The following BLOC1S6 variants were observed in gnomAD, a reference collection of about 807,000 sequenced individuals.
The protein encoded by BLOC1S6 is biogenesis of lysosome-related organelles complex 1 subunit 6.
In BLOC1S6, 24 loss-of-function variants were observed where a neutral mutation model predicts 24.7. The ratio of observed to expected loss-of-function variants is 0.97; its 90% confidence interval spans 0.70 to 1.37. BLOC1S6 has a LOEUF of 1.37. Ranked by LOEUF, BLOC1S6 falls within the 40% of genes most tolerant of loss-of-function variation. The pLI, the probability that BLOC1S6 is intolerant of heterozygous loss-of-function variation, is 0.00. For missense variants in BLOC1S6, 175 were observed against 196.2 expected (o/e 0.89, Z 0.64); for synonymous variants, 76 against 72.6 (o/e 1.05, Z -0.23).
intron 2 of BLOC1S6, among the ~76,000 whole-genome samples, chr15:45,594,893 T>C (rs1357861420): frequency 1.3e-5 from 2 of 152,082 alleles, no homozygotes; most frequent in Non-Finnish European, 2.9e-5. Context: ...CCACATTCTC[T>C]GGAACCTTCT....
In BLOC1S6 at chr15:45,592,277, G is replaced by C; in HGVS notation, c.224+1G>C. On this transcript the variant is annotated splice_donor_variant, in intron 2 of 4. Coordinates refer to ENST00000220531, the MANE Select transcript of BLOC1S6 (RefSeq NM_012388.4). LOFTEE classifies it high-confidence loss of function. ...CAAAACAAGCCCTCCAGGAACTCAC[G>C]TAAGCTAATAAAAAACCAGATATAC... 6.2e-7 allele frequency: 1 copy of C among 1,613,646 alleles called. No individual in the cohort carries two copies. Among genetic ancestry groups the C allele is most frequent in the Non-Finnish European group, 8.5e-7 (1 of 1,179,964 alleles).
intron 2 of BLOC1S6, among the ~76,000 whole-genome samples, chr15:45,600,589 A>G (rs1158761353): frequency 6.6e-6 from 1 of 152,132 alleles, no homozygotes; most frequent in Non-Finnish European, 1.5e-5. Context: ...TAGCCTGTTG[A>G]TGTGGTAGAT....
chr15:45,602,415 A>G, intron 2 of BLOC1S6: 1 of 639,312 alleles, frequency 1.6e-6, no homozygotes, highest in South Asian at 1.7e-5. Context: ...CTGTGATCCT[A>G]ACATTGATTG....
chr15:45,603,131 G>T lies in BLOC1S6; in HGVS notation c.256G>T (p.Glu86Ter), dbSNP rs764066020. The T allele has an allele frequency of 6.2e-7, 1 of 1,611,534 alleles. No homozygotes were observed. The highest frequency in any genetic ancestry group is 1.1e-5 in the South Asian group (1 of 90,946). The change falls in exon 3 of 5, where the codon GAA (glutamate) becomes TAA (stop). Residue 86 changes from glutamate (E) to a stop codon, truncating the protein, a stop_gained. Transcript: ENST00000220531. LOFTEE classifies it high-confidence loss of function. ...QNQVVLLDTLEQEISKFKECH... is the reference protein window; with the variant it reads ...QNQVVLLDTL Reference sequence around the variant, plus strand: ...CCAAGTTGTATTGTTAGACACACTGGAACAAGAGATTTCAAAATTTAAAGA... The same window carrying T: ...CCAAGTTGTATTGTTAGACACACTGTAACAAGAGATTTCAAAATTTAAAGA...
At chr15:45,587,791 A>G (rs1203336153) in intron 1 of BLOC1S6, 3 of 701,604 alleles carry the variant, frequency 4.3e-6, no homozygotes, top group Non-Finnish European at 7.8e-6. Flanking sequence ...TTATGTGTTG[A>G]CTCCGGTACG....
intron 3 of BLOC1S6, 115 bp downstream of exon 3, chr15:45,603,302 C>T (rs903877204): frequency 1.5e-5 from 10 of 651,184 alleles, no homozygotes; most frequent in Middle Eastern, 4.1e-4. Context: ...AACAAGAAAC[C>T]TTGATTGAAC....
chr15:45,596,923 C>T (rs1178141988), intron 2 of BLOC1S6, among the ~76,000 whole-genome samples: 1 of 152,080 alleles, frequency 6.6e-6, no homozygotes, highest in East Asian at 1.9e-4. Context: ...TGATCCCCAG[C>T]CTCAGGCTCC....
At position 45,590,157 on chromosome 15, in the gene BLOC1S6, C is replaced by T. The variant is rs942709769; in HGVS notation, c.83-1978C>T. On this transcript the variant is annotated intron_variant, in intron 1 of 4. Transcript: ENST00000220531. ...CCTATACAGTTGGTACATTAATATC[C>T]CTAAGTGCTTCACTTTTCTCTCTCT... Among the ~76,000 whole-genome samples the T allele has an allele frequency of 2.6e-5, 4 of 151,460 alleles. 1 individual carries two copies. In the South Asian group the frequency reaches 8.3e-4, roughly 32 times the overall value.
intron 2 of BLOC1S6, among the ~76,000 whole-genome samples, chr15:45,594,207 G>A (rs1893987218): frequency 6.6e-6 from 1 of 152,068 alleles, no homozygotes; most frequent in South Asian, 2.1e-4. Context: ...GTGGTAGGTA[G>A]GGATTAAGTT....
chr15:45,587,324 C>A, upstream of BLOC1S6: 1 of 1,001,654 alleles, frequency 1.0e-6, no homozygotes, highest in Non-Finnish European at 1.5e-6. Context: ...TTTTTTCGCC[C>A]CCGTCACTTC....
chr15:45,587,658 G>C, intron 1 of BLOC1S6, 133 bp downstream of exon 1: 1 of 926,518 alleles, frequency 1.1e-6, no homozygotes, highest in South Asian at 1.4e-5. Flanking sequence ...CCTGCCCCGA[G>C]TGCAGAAATG....
intron 1 of BLOC1S6, among the ~76,000 whole-genome samples, chr15:45,591,592 C>T (rs953533464): frequency 5.9e-5 from 9 of 152,090 alleles, no homozygotes; most frequent in Non-Finnish European, 1.2e-4. Flanking sequence ...GCCACCGTGC[C>T]CAGCCATTCT....
At chr15:45,601,754 A>G (rs1006730193) in intron 2 of BLOC1S6, among the ~76,000 whole-genome samples, 7 of 151,872 alleles carry the variant, frequency 4.6e-5, no homozygotes, top group Admixed American at 4.6e-4. Flanking sequence ...TTCTAGTTCT[A>G]ACAGCCTATT....
intron 1 of BLOC1S6, 195 bp downstream of exon 1, chr15:45,587,720 G>A (rs1463088946): frequency 1.4e-6 from 1 of 712,166 alleles, no homozygotes; most frequent in Admixed American, 2.0e-5. Context: ...CTGAAGTCCC[G>A]AGGGGAAGCT....
chr15:45,603,074 G>A, intron 2 of BLOC1S6, 26 bp from the exon 3 acceptor site: 2 of 1,492,434 alleles, frequency 1.3e-6, no homozygotes, highest in Non-Finnish European at 1.9e-6. Context: ...TGTAGAGTTT[G>A]TCTTGGCTGT....
intron 1 of BLOC1S6, among the ~76,000 whole-genome samples, chr15:45,589,749 G>T (rs938876795): frequency 7.2e-5 from 11 of 151,944 alleles, no homozygotes; most frequent in African/African-American, 2.2e-4. Flanking sequence ...CTTTACTCTC[G>T]CACAATAAAG....
At chr15:45,602,308 T>A (rs1245249197) in intron 2 of BLOC1S6, 2 of 654,132 alleles carry the variant, frequency 3.1e-6, no homozygotes, top group African/African-American at 1.8e-5. Flanking sequence ...TTATCATTAT[T>A]CTCTAGATAG....
In BLOC1S6 at chr15:45,593,391, A is replaced by G. The variant is rs1414234039; in HGVS notation, c.224+1115A>G. ...CAGAGTGAGACTCTGTCTCCGAAAA[A>G]AAAAAAAAAAAAAAAAAGTGGTACT... On this transcript the variant is annotated intron_variant, in intron 2 of 4. Transcript: ENST00000220531. Among the ~76,000 whole-genome samples the G allele has an allele frequency of 3.0e-5, 4 of 131,596 alleles. No homozygotes were observed. The East Asian group carries it at 7.8e-4, about 26-fold the overall frequency. The allele number at this position is 131,596 out of a possible 152,430, so 86.3% of individuals were successfully genotyped here. A position where few individuals can be genotyped will look rare whatever the true frequency, so the allele number is the denominator to read the frequency against.
chr15:45,603,729 CAAAA>C (rs1053148174), intron 3 of BLOC1S6, among the ~76,000 whole-genome samples: 48 of 152,034 alleles, frequency 3.2e-4, no homozygotes, highest in African/African-American at 1.1e-3. Flanking sequence ...AACAAACAAA[CAAAA>C]AGAGCGAACT....
Sources: allele counts gnomAD v4.1 joint callset (sites outside exome capture counted in the v4.1 genomes callset), GRCh38; gene constraint gnomAD v4.1.1; transcripts MANE v1.5; gene names NCBI Gene and HGNC (gene_info 2026-07-23, HGNC 2026-07-21).